The following SESN1 variants were observed in gnomAD, a reference collection of about 807,000 sequenced individuals.
SESN1 encodes sestrin 1, also known as sestrin-1.
Under a neutral mutation model 59.3 loss-of-function variants are expected in SESN1, and 30 were observed. The ratio of observed to expected loss-of-function variants is 0.51; its 90% CI spans 0.38 to 0.69. SESN1 has a LOEUF of 0.69. SESN1 is among the 30% of genes least tolerant of loss of function. SESN1 has a pLI of 0.00. For synonymous variants in SESN1, 197 were observed against 219.9 expected, an observed-to-expected ratio of 0.90 and a Z score of 0.92; for missense variants, 566 against 673.0, an observed-to-expected ratio of 0.84 and a Z score of 1.76.
chr6:109,079,828 A>G (rs1299941404), intron 1 of SESN1, among the ~76,000 whole-genome samples: 1 of 152,204 alleles, frequency 6.6e-6, no homozygotes, highest in African/African-American at 2.4e-5. Context: ...ATTTTCCATA[A>G]TAACTGAATA....
At chr6:109,085,245 C>T (rs534593472) in intron 1 of SESN1, among the ~76,000 whole-genome samples, 12 of 152,154 alleles carry the variant, frequency 7.9e-5, no homozygotes, top group East Asian at 7.7e-4. Flanking sequence ...ACTGGCCAGG[C>T]GCAGCGGCTT....
chr6:108,998,769 A>T lies in SESN1; in HGVS notation c.730-14T>A. The T allele has an allele frequency of 6.3e-7, 1 of 1,592,502 alleles. No homozygotes were observed. The highest frequency in any genetic ancestry group is 1.1e-5 in the South Asian group (1 of 88,390). On this transcript the variant is annotated splice_polypyrimidine_tract_variant and intron_variant, in intron 4 of 9. Coordinates refer to ENST00000436639, the MANE Select transcript of SESN1 (RefSeq NM_014454.3). ...TTTTAAAAGTCCCTTAGGGGGAAAAAAAAAAAGAATATATTTTTGTACTGG... is the reference window on the plus strand; with the variant it reads ...TTTTAAAAGTCCCTTAGGGGGAAAATAAAAAAGAATATATTTTTGTACTGG...
intron 1 of SESN1, among the ~76,000 whole-genome samples, chr6:109,072,482 C>T (rs1433061499): frequency 2.0e-5 from 3 of 152,112 alleles, no homozygotes; most frequent in African/African-American, 7.2e-5. Flanking sequence ...TAAATTTGTT[C>T]CTTCTGCCCT....
intron 1 of SESN1, among the ~76,000 whole-genome samples, chr6:109,013,589 A>G (rs1779892026): frequency 6.6e-6 from 1 of 152,266 alleles, no homozygotes. Flanking sequence ...AGGCATAATC[A>G]TACTTTTATG....
At chr6:109,020,326 T>C (rs946517455) in intron 1 of SESN1, among the ~76,000 whole-genome samples, 2 of 152,236 alleles carry the variant, frequency 1.3e-5, no homozygotes, top group Non-Finnish European at 2.9e-5. Context: ...GTAGTGATTA[T>C]TTGTTTCATC....
intron 1 of SESN1, among the ~76,000 whole-genome samples, chr6:109,078,551 C>T (rs1781067217): frequency 6.6e-6 from 1 of 152,012 alleles, no homozygotes; most frequent in East Asian, 1.9e-4. Flanking sequence ...TCAAACTGCC[C>T]TCTAGAAAGT....
At chr6:109,041,030 G>A (rs1198685369) in intron 1 of SESN1, among the ~76,000 whole-genome samples, 2 of 151,868 alleles carry the variant, frequency 1.3e-5, no homozygotes, top group Non-Finnish European at 2.9e-5. Context: ...GCCAGGCACA[G>A]TGGCTCATGC....
chr6:109,080,800 C>T (rs536677663), intron 1 of SESN1, among the ~76,000 whole-genome samples: 1 of 152,200 alleles, frequency 6.6e-6, no homozygotes, highest in South Asian at 2.1e-4. Flanking sequence ...CCAAAAATCC[C>T]AAATCCCAAA....
At position 109,094,136 on chromosome 6, in the gene SESN1, G is replaced by A; in HGVS notation, c.-63C>T. On this transcript the variant is annotated 5_prime_UTR_variant, in exon 1 of 10. Coordinates refer to ENST00000436639, the MANE Select transcript of SESN1 (RefSeq NM_014454.3). ...CAGCATGCCCCAAAAAAATTGCTTTGTATTTTTAAAATGAAAAATGTAAAA... is the reference window on the plus strand; with the variant it reads ...CAGCATGCCCCAAAAAAATTGCTTTATATTTTTAAAATGAAAAATGTAAAA... 4.0e-6 allele frequency: 6 copies of A among 1,488,766 alleles called. No homozygotes were observed. The South Asian group carries it at 7.6e-5, about 19-fold the overall frequency. The allele number at this position is 1,488,766 out of a possible 1,614,324, so 92.2% of individuals were successfully genotyped here.
At chr6:109,071,807 G>A (rs1780940810) in intron 1 of SESN1, among the ~76,000 whole-genome samples, 1 of 152,104 alleles carries the variant, frequency 6.6e-6, no homozygotes, top group African/African-American at 2.4e-5. Context: ...CCCTTTGTTG[G>A]TTTAAAACTC....
rs772314185 is a variant in SESN1 at position 108,990,757 on chromosome 6, A to C, written c.1312T>G (p.Phe438Val). ...TAAGTAAGATTGTAAGCAATGTGAAATTTTTCATCAATCAACTGTCCCACA... is the reference window on the plus strand; with the variant it reads ...TAAGTAAGATTGTAAGCAATGTGAACTTTTTCATCAATCAACTGTCCCACA... ...PDVGQLIDEK[F>V]HIAYNLTYNT... Residue 438 changes from phenylalanine (F) to valine (V), a missense_variant, in exon 8 of 10, where the codon TTT becomes GTT. Transcript: ENST00000436639. 4 of 1,613,980 alleles carry C rather than the reference A, an allele frequency of 2.5e-6. No individual in the cohort carries two copies. Among genetic ancestry groups the C allele is most frequent in the Admixed American group, 3.3e-5 (2 of 60,000 alleles).
chr6:109,067,847 C>T (rs921785344), intron 1 of SESN1, among the ~76,000 whole-genome samples: 5 of 152,224 alleles, frequency 3.3e-5, no homozygotes, highest in African/African-American at 9.6e-5. Context: ...CTGCCCTACT[C>T]TACCCTGTTT....
At chr6:108,998,857 C>T in intron 4 of SESN1, 102 bp from the exon 5 acceptor site, 1 of 1,322,922 alleles carries the variant, frequency 7.6e-7, no homozygotes, top group Non-Finnish European at 1.0e-6. Flanking sequence ...AGTCATCATA[C>T]AAAGCCTAGC....
rs72937007 is a variant in SESN1 at position 109,007,582 on chromosome 6, G to A, written c.280-5239C>T. Among the ~76,000 whole-genome samples, 638 of 152,224 alleles carry A rather than the reference G, an allele frequency of 4.2e-3. 2 individuals carry two copies. Among genetic ancestry groups the A allele is most frequent in the Non-Finnish European group, 7.3e-3 (495 of 68,012 alleles). On this transcript the variant is annotated intron_variant, in intron 1 of 9. Coordinates refer to ENST00000436639, the MANE Select transcript of SESN1 (RefSeq NM_014454.3). ...AAGGTAAAGATATGTTATATAAAAA[G>A]TGAAAGTTCCCATCCCACTCGCCCT...
chr6:109,086,865 G>A (rs1583301420), intron 1 of SESN1, among the ~76,000 whole-genome samples: 1 of 152,206 alleles, frequency 6.6e-6, no homozygotes, highest in African/African-American at 2.4e-5. Flanking sequence ...CGGGCACTGT[G>A]GCTCATGCCC....
chr6:109,081,671 T>A (rs1781124634), intron 1 of SESN1, among the ~76,000 whole-genome samples: 1 of 152,150 alleles, frequency 6.6e-6, no homozygotes, highest in Non-Finnish European at 1.5e-5. Flanking sequence ...TGGTGCCACC[T>A]CTGCCCCTCC....
At chr6:109,028,696 C>T (rs1295924397) in intron 1 of SESN1, among the ~76,000 whole-genome samples, 2 of 152,160 alleles carry the variant, frequency 1.3e-5, no homozygotes, top group African/African-American at 4.8e-5. Context: ...CTGGGCAACA[C>T]ATACCATAGA....
chr6:109,039,170 A>AGG, intron 1 of SESN1, among the ~76,000 whole-genome samples: 3 of 151,518 alleles, frequency 2.0e-5, no homozygotes, highest in South Asian at 2.1e-4. Flanking sequence ...GAGGAGAAGA[A>AGG]AGAAGAAGAA....
chr6:109,042,800 T>G (rs1242892321), intron 1 of SESN1, among the ~76,000 whole-genome samples: 1 of 152,040 alleles, frequency 6.6e-6, no homozygotes, highest in African/African-American at 2.4e-5. Flanking sequence ...TTAACTCCAA[T>G]TTTACATAAT....
Sources: gnomAD v4.1 joint callset for allele counts (sites outside exome capture counted in the v4.1 genomes callset) on GRCh38, gnomAD v4.1.1 for gene constraint, MANE v1.5 for transcripts, NCBI Gene and HGNC (gene_info 2026-07-23, HGNC 2026-07-21) for gene names.